GALNT13: variants seen among roughly 807,000 people sequenced by gnomAD.
GALNT13 encodes the protein polypeptide N-acetylgalactosaminyltransferase 13, also known as UDP-GalNAc:polypeptide N-acetylgalactosaminyltransferase 13.
In GALNT13, 28 loss-of-function variants were observed where a neutral mutation model predicts 64.2. The observed-to-expected ratio is 0.44, with a 90% confidence interval of 0.32 to 0.60. The LOEUF is 0.60. Ranked by LOEUF, GALNT13 falls within the 20% of genes least tolerant of loss-of-function variation. The probability of loss-of-function intolerance (pLI) is 0.05; values close to 1 mark genes in which losing one functional copy is unlikely to be tolerated. For synonymous variants in GALNT13, 214 were observed against 224.6 expected (o/e 0.95, Z 0.42); for missense variants, 577 against 669.8 (o/e 0.86, Z 1.53).
At chr2:153,310,388 G>C in the GALNT13 span, among the ~76,000 whole-genome samples, 2 of 151,860 alleles carry the variant, frequency 1.3e-5, no homozygotes. Flanking sequence ...TCAACAATAT[G>C]GGTATGAACT....
At chr2:154,403,495 T>C (rs1699392552) in intron 10 of GALNT13, among the ~76,000 whole-genome samples, 3 of 151,900 alleles carry the variant, frequency 2.0e-5, no homozygotes, top group Admixed American at 2.0e-4. Context: ...CTTTCAGATA[T>C]TGTCTCTATC....
At chr2:154,326,310 T>C (rs1413508253) in intron 9 of GALNT13, among the ~76,000 whole-genome samples, 2 of 141,838 alleles carry the variant, frequency 1.4e-5, no homozygotes, top group Non-Finnish European at 3.0e-5. Context: ...TTACTTTATA[T>C]AGAAGGGGAT....
At chr2:154,266,472 G>A (rs140529671) in intron 8 of GALNT13, among the ~76,000 whole-genome samples, 136 of 151,952 alleles carry the variant, frequency 9.0e-4, no homozygotes, top group African/African-American at 3.0e-3. Context: ...CTATACACTA[G>A]CAACAAACAG....
At position 154,446,536 on chromosome 2, in the gene GALNT13, TG is replaced by T. The variant is rs1701585506; in HGVS notation, c.1531-3874del. ...TTATTACTGTCTTTGTACTTGATTT[TG>T]TCATTATTCGTTATTTTCTTTGTCA... is the stretch of plus-strand genomic sequence containing the variant. On this transcript the variant is annotated intron_variant, in intron 12 of 12. Transcript: ENST00000392825. 3.3e-6 allele frequency: 5 copies of T among 1,513,834 alleles called. No homozygotes were observed. In the South Asian group the frequency reaches 6.3e-5, roughly 19 times the overall value. 93.8% of individuals were successfully genotyped at this position (1,513,834 alleles called of 1,614,324 possible). A position where few individuals can be genotyped will look rare whatever the true frequency, so the allele number is the denominator to read the frequency against.
the GALNT13 span, among the ~76,000 whole-genome samples, chr2:153,623,024 A>C: frequency 6.6e-6 from 1 of 152,070 alleles, no homozygotes; most frequent in African/African-American, 2.4e-5. Flanking sequence ...TATGCTTTGT[A>C]TGTGCATTGA....
the GALNT13 span, among the ~76,000 whole-genome samples, chr2:153,780,244 T>TGC: frequency 5.9e-4 from 23 of 38,704 alleles, no homozygotes; most frequent in Non-Finnish European, 1.5e-3. Context: ...TATATATATA[T>TGC]ATATATATAT....
In GALNT13 at chr2:154,119,155, AAAG is replaced by A. The variant is rs1272931082; in HGVS notation, c.143-21181_143-21179del. On this transcript the variant is annotated intron_variant, in intron 3 of 12. Transcript: ENST00000392825. ...CTCCCTTAGCTTTTGTTTGTCTACA[AAAG>A]TTCTTATTTCCCCATGACTCTGAAA... Among the ~76,000 whole-genome samples the A allele has an allele frequency of 2.1e-3, 327 of 152,278 alleles. 4 individuals are homozygous for A. Among genetic ancestry groups the A allele is most frequent in the Admixed American group, 4.8e-3 (73 of 15,302 alleles).
chr2:153,227,522 C>T, the GALNT13 span, among the ~76,000 whole-genome samples: 38 of 152,252 alleles, frequency 2.5e-4, 1 homozygote, highest in African/African-American at 8.9e-4. Context: ...CAAAGAATTA[C>T]GGTAATGTGG....
At chr2:153,434,266 T>G in the GALNT13 span, among the ~76,000 whole-genome samples, 3 of 152,194 alleles carry the variant, frequency 2.0e-5, no homozygotes, top group African/African-American at 2.4e-5. Flanking sequence ...TCTTTGCTAT[T>G]GTGAATAGTG....
At chr2:153,826,867 T>A in the GALNT13 span, among the ~76,000 whole-genome samples, 1 of 151,946 alleles carries the variant, frequency 6.6e-6, no homozygotes, top group African/African-American at 2.4e-5. Context: ...GCAGTAGTAA[T>A]TAGGTGTGTT....
chr2:154,303,984 C>G (rs998011879), intron 9 of GALNT13, among the ~76,000 whole-genome samples: 2 of 152,088 alleles, frequency 1.3e-5, no homozygotes, highest in African/African-American at 4.8e-5. Context: ...TCTCGAACTC[C>G]TGACTTCCAG....
At chr2:153,233,358 T>C in the GALNT13 span, among the ~76,000 whole-genome samples, 1 of 152,082 alleles carries the variant, frequency 6.6e-6, no homozygotes, top group Non-Finnish European at 1.5e-5. Context: ...TTTATTCCTA[T>C]AGACATTCAC....
chr2:153,820,506 A>G, the GALNT13 span, among the ~76,000 whole-genome samples: 1 of 152,172 alleles, frequency 6.6e-6, no homozygotes, highest in African/African-American at 2.4e-5. Context: ...CAAAGGGAAC[A>G]CCATTAGACT....
chr2:154,122,164 A>C (rs890146664), intron 3 of GALNT13, among the ~76,000 whole-genome samples: 6 of 152,012 alleles, frequency 3.9e-5, no homozygotes, highest in African/African-American at 1.4e-4. Flanking sequence ...CAAATGTTGA[A>C]TCGGCCATAC....
the GALNT13 span, among the ~76,000 whole-genome samples, chr2:153,403,499 G>A: frequency 4.2e-3 from 640 of 152,242 alleles, 16 homozygotes; most frequent in East Asian, 0.054. Context: ...AATCAAGCCT[G>A]GGCAAAGGCG....
At chr2:154,414,355 G>A (rs990254606) in intron 11 of GALNT13, among the ~76,000 whole-genome samples, 1 of 151,992 alleles carries the variant, frequency 6.6e-6, no homozygotes, top group African/African-American at 2.4e-5. Flanking sequence ...GAATGTAATG[G>A]AAATCTTGAG....
chr2:153,671,289 T>G, the GALNT13 span, among the ~76,000 whole-genome samples: 4 of 152,080 alleles, frequency 2.6e-5, no homozygotes, highest in Admixed American at 2.6e-4. Flanking sequence ...AAATGTTAAG[T>G]GCAGCCAGAG....
At chr2:153,425,685 C>T in the GALNT13 span, among the ~76,000 whole-genome samples, 4 of 151,732 alleles carry the variant, frequency 2.6e-5, no homozygotes, top group Admixed American at 1.3e-4. Context: ...TTCAGTAATG[C>T]TATACATGTA....
At chr2:154,269,346 C>A (rs930832025) in intron 8 of GALNT13, among the ~76,000 whole-genome samples, 1 of 151,768 alleles carries the variant, frequency 6.6e-6, no homozygotes, top group Non-Finnish European at 1.5e-5. Flanking sequence ...TGATTTATTT[C>A]TCTTAGAGTT....
Sources: allele counts gnomAD v4.1 joint callset (sites outside exome capture counted in the v4.1 genomes callset), GRCh38; gene constraint gnomAD v4.1.1; transcripts MANE v1.5; gene names NCBI Gene and HGNC (gene_info 2026-07-23, HGNC 2026-07-21).